STK11IP: variants seen among roughly 807,000 people sequenced by gnomAD.
STK11IP encodes serine/threonine kinase 11 interacting protein.
A neutral mutation model predicts 131.7 loss-of-function variants in STK11IP; 103 were observed. That is an observed-to-expected ratio of 0.78 (90% confidence interval 0.67 to 0.92). The LOEUF (loss-of-function observed/expected upper bound fraction) is 0.92, where lower values mean the gene tolerates loss of function less well. STK11IP is among the 40% of genes least tolerant of loss of function. The pLI, the probability that STK11IP is intolerant of heterozygous loss-of-function variation, is 0.00. For missense variants in STK11IP, 1,315 were observed against 1,385.7 expected, an observed-to-expected ratio of 0.95 and a Z score of 0.81; for synonymous variants, 557 against 575.6, an observed-to-expected ratio of 0.97 and a Z score of 0.46.
Position 219,609,769 on chromosome 2 carries a change from AAGTC to A in STK11IP, c.2104+232_2104+235del, listed in dbSNP as rs1574626350. The A allele has an allele frequency of 5.9e-5, 30 of 506,668 alleles. No individual in the cohort carries two copies. In the East Asian group the frequency reaches 1.0e-3, roughly 17 times the overall value. 31.4% of individuals were successfully genotyped at this position (506,668 alleles called of 1,614,324 possible). Reference sequence around the variant, plus strand: ...GTTTTTTTTTTTTTTTTAACTCTAAAAGTCAGGAAATGCAATCTCTGTAACTGTG... The same window carrying A: ...GTTTTTTTTTTTTTTTTAACTCTAAAAGGAAATGCAATCTCTGTAACTGTG... On this transcript the variant is annotated intron_variant, in intron 17 of 24. Coordinates refer to ENST00000456909, the MANE Select transcript of STK11IP (RefSeq NM_052902.4).
At chr2:219,598,047 C>T (rs556186228) in intron 1 of STK11IP, 47 bp from the exon 2 acceptor site, 1 of 1,560,218 alleles carries the variant, frequency 6.4e-7, no homozygotes, top group Non-Finnish European at 8.7e-7. Flanking sequence ...GGGCTTTTGG[C>T]ACTACCGCCC....
chr2:219,609,076 G>C lies in STK11IP; in HGVS notation c.1810-21G>C, dbSNP rs778648884. ...TCACCGCCCCTGCTGTTTTTCACCC[G>C]GTCCCCCTCTTGCTGCGCAGGGCTC... On this transcript the variant is annotated intron_variant, in intron 15 of 24. Transcript: ENST00000456909. 25 of 1,544,322 alleles carry C rather than the reference G, an allele frequency of 1.6e-5. No individual in the cohort carries two copies. The East Asian group carries it at 5.7e-4, about 35-fold the overall frequency.
intron 2 of STK11IP, among the ~76,000 whole-genome samples, chr2:219,600,742 G>A (rs1697958305): frequency 6.6e-6 from 1 of 152,198 alleles, no homozygotes; most frequent in Non-Finnish European, 1.5e-5. Context: ...TTCTACAGAT[G>A]TGCTTTGCAA....
intron 19 of STK11IP, 137 bp from the exon 20 acceptor site, chr2:219,612,991 A>G: frequency 1.6e-6 from 1 of 640,396 alleles, no homozygotes; most frequent in Admixed American, 2.3e-5. Context: ...GTCGAGTGTG[A>G]GGGAAGCTCC....
intron 19 of STK11IP, chr2:219,612,909 A>G: frequency 3.7e-6 from 2 of 542,410 alleles, no homozygotes; most frequent in Non-Finnish European, 6.7e-6. Context: ...GGCGACAGGC[A>G]GGGAAGCCAG....
Position 219,601,685 on chromosome 2 carries a change from T to C in STK11IP, c.312T>C (p.Ile104=). The C allele has an allele frequency of 6.2e-7, 1 of 1,606,412 alleles. No homozygotes were observed. Among genetic ancestry groups the C allele is most frequent in the Non-Finnish European group, 8.5e-7 (1 of 1,176,058 alleles). The change falls in exon 4 of 25, where the codon ATT becomes ATC. Residue 104 remains isoleucine (I), a synonymous_variant. Transcript: ENST00000456909. ...CTGGCCCCACAGGGCCCATCAAGAT[T>C]TTCCCCTTCAAATCCCTTCGGCACC... ...AGPGPTGPIK[I]FPFKSLRHLE...
At chr2:219,609,004 G>T in intron 15 of STK11IP, 93 bp from the exon 16 acceptor site, 1 of 1,126,584 alleles carries the variant, frequency 8.9e-7, no homozygotes, top group South Asian at 1.4e-5. Flanking sequence ...ACAGGCTTCA[G>T]AGGTCCTGCC....
intron 21 of STK11IP, 45 bp from the exon 22 acceptor site, chr2:219,614,116 A>G: frequency 6.2e-7 from 1 of 1,605,192 alleles, no homozygotes; most frequent in Non-Finnish European, 8.5e-7. Flanking sequence ...TTTAGGCTGG[A>G]GGAGAGCAGA....
rs1697984499 is a variant in STK11IP at position 219,601,560 on chromosome 2, A to AGTGGTTG, written c.268-80_268-74dup. The AGTGGTTG allele has an allele frequency of 1.9e-6, 3 of 1,554,132 alleles. No individual in the cohort carries two copies. In the Admixed American group the frequency reaches 5.8e-5, roughly 30 times the overall value. On this transcript the variant is annotated intron_variant, in intron 3 of 24. Coordinates refer to ENST00000456909, the MANE Select transcript of STK11IP (RefSeq NM_052902.4). The stretch of plus-strand genomic sequence containing the variant: ...GGATCCAGAGGGTGTCAGAGGTACC[A>AGTGGTTG]GTGGTTGTGCTAAGGAAGGAATGTT...
At position 219,616,187 on chromosome 2, in the gene STK11IP, C is replaced by T. The variant is rs1487609647; in HGVS notation, c.3261C>T (p.Asp1087=). Residue 1087 remains aspartate (D), a synonymous_variant, in exon 25 of 25, where the codon GAC becomes GAT. Coordinates refer to ENST00000456909, the MANE Select transcript of STK11IP (RefSeq NM_052902.4). ...TGATCCAAGAGGCGCTGGCCCTTGACCGATGAGGGTCCCACGCTGACCTTG... is the reference window on the plus strand; with the variant it reads ...TGATCCAAGAGGCGCTGGCCCTTGATCGATGAGGGTCCCACGCTGACCTTG... ...RTVIQEALAL[D]R The T allele has an allele frequency of 4.3e-6, 7 of 1,613,028 alleles. No homozygotes were observed. Among genetic ancestry groups the T allele is most frequent in the Non-Finnish European group, 5.9e-6 (7 of 1,179,682 alleles).
chr2:219,598,801 T>C (rs954333586), intron 2 of STK11IP, among the ~76,000 whole-genome samples: 1 of 152,234 alleles, frequency 6.6e-6, no homozygotes, highest in African/African-American at 2.4e-5. Context: ...GTTGAATACT[T>C]GGTTGGCATT....
rs1416588321 is a variant in STK11IP, at chr2:219,614,184, G to A, written c.2740G>A (p.Ala914Thr). The change falls in exon 22 of 25, where the codon GCC becomes ACC. Residue 914 changes from alanine to threonine, a missense_variant. Ala to Thr is a moderately conservative substitution (Grantham distance 58). Transcript: ENST00000456909. ...AGATGTCTTGCAGTCTCTGCCCCCT[G>A]CCTGGAGGAACTGTGTCAGTGCCAC... ...LLDVLQSLPP[A>T]WRNCVSATEE... is the part of the protein sequence containing the mutation. The A allele has an allele frequency of 1.2e-6, 2 of 1,613,480 alleles. No homozygotes were observed. Among genetic ancestry groups the A allele is most frequent in the South Asian group, 2.2e-5 (2 of 91,088 alleles).
Position 219,606,267 on chromosome 2 carries a change from C to A in STK11IP, c.922C>A (p.Arg308=). 6.4e-7 allele frequency: 1 copy of A among 1,570,132 alleles called. No individual in the cohort carries two copies. Among genetic ancestry groups the A allele is most frequent in the South Asian group, 1.2e-5 (1 of 85,412 alleles). Residue 308 remains arginine (R), a synonymous_variant, in exon 10 of 25, where the codon CGG becomes AGG. Transcript: ENST00000456909. ...RAATAQYLSP[R]ARDAATGFLL... is the part of the protein sequence containing the mutation. ...AGCCACTGCCCAGTACTTGTCACCC[C>A]GGGCCAGGGATGCTGCTACTGGCGT...
chr2:219,606,395 C>T, intron 10 of STK11IP, 81 bp from the exon 11 acceptor site: 1 of 1,556,842 alleles, frequency 6.4e-7, no homozygotes, highest in Middle Eastern at 1.7e-4. Flanking sequence ...GACCTGGACC[C>T]TGCTTACTGT....
In STK11IP at chr2:219,598,105, C is replaced by T. The variant is rs753050233; in HGVS notation, c.-15C>T. On this transcript the variant is annotated 5_prime_UTR_variant, in exon 2 of 25. Coordinates refer to ENST00000456909, the MANE Select transcript of STK11IP (RefSeq NM_052902.4). ...CTTTCCCCCCCCAGGCTCCGCCCCC[C>T]AGCGTCCCGTGGCCATGACGACCGC... The T allele has an allele frequency of 1.3e-6, 2 of 1,588,392 alleles. No homozygotes were observed. Among genetic ancestry groups the T allele is most frequent in the South Asian group, 1.1e-5 (1 of 87,232 alleles).
chr2:219,602,110 A>G (rs773171129), intron 5 of STK11IP, 27 bp downstream of exon 5: 5 of 1,520,238 alleles, frequency 3.3e-6, no homozygotes, highest in Non-Finnish European at 4.5e-6. Flanking sequence ...GTGAGCTCAG[A>G]CACCTCAACT....
chr2:219,606,987 G>A (rs1698189005), intron 12 of STK11IP, 66 bp from the exon 13 acceptor site: 2 of 1,604,178 alleles, frequency 1.2e-6, no homozygotes, highest in Non-Finnish European at 1.7e-6. Flanking sequence ...AGGTTGGATG[G>A]CCAGCCGTGG....
chr2:219,606,556 C>T (rs759371754), intron 11 of STK11IP, 39 bp downstream of exon 11: 7 of 1,612,240 alleles, frequency 4.3e-6, no homozygotes, highest in Non-Finnish European at 5.9e-6. Flanking sequence ...TGGGGGAAGA[C>T]ACGAAGGGAG....
chr2:219,616,334 C>A lies in STK11IP; in HGVS notation c.*141C>A. 8.7e-7 allele frequency: 1 copy of A among 1,155,640 alleles called. No individual in the cohort carries two copies. Among genetic ancestry groups the A allele is most frequent in the Non-Finnish European group, 1.2e-6 (1 of 837,644 alleles). 71.6% of individuals were successfully genotyped at this position (1,155,640 alleles called of 1,614,324 possible). Reference sequence around the variant, plus strand: ...CTGGCCAGTGAGGTCCCAAATGACCCAGGGCTTAAGGGAGAGGCGAGAGAA... The same window carrying A: ...CTGGCCAGTGAGGTCCCAAATGACCAAGGGCTTAAGGGAGAGGCGAGAGAA... On this transcript the variant is annotated 3_prime_UTR_variant, in exon 25 of 25. Coordinates refer to ENST00000456909, the MANE Select transcript of STK11IP (RefSeq NM_052902.4).
Sources: gnomAD v4.1 joint callset for allele counts (sites outside exome capture counted in the v4.1 genomes callset) on GRCh38, gnomAD v4.1.1 for gene constraint, MANE v1.5 for transcripts, NCBI Gene and HGNC (gene_info 2026-07-23, HGNC 2026-07-21) for gene names.